XYLT1: variants seen among roughly 807,000 people sequenced by gnomAD.
XYLT1 encodes xylosyltransferase 1, also known as beta-D-xylosyltransferase 1.
In XYLT1, 36 loss-of-function variants were observed where a neutral mutation model predicts 91.3. The ratio of observed to expected loss-of-function variants is 0.39; its 90% CI spans 0.30 to 0.52. The LOEUF (loss-of-function observed/expected upper bound fraction) is 0.52, where lower values mean the gene tolerates loss of function less well. Among genes scored for constraint, XYLT1 ranks in the 20% least tolerant of loss-of-function variants. The pLI, the probability that XYLT1 is intolerant of heterozygous loss-of-function variation, is 0.68. For missense variants in XYLT1, 1,242 were observed against 1,284.5 expected, an observed-to-expected ratio of 0.97 and a Z score of 0.51; for synonymous variants, 588 against 532.0, an observed-to-expected ratio of 1.11 and a Z score of -1.45.
chr16:17,213,510 C>T lies in XYLT1; in HGVS notation c.914-12856G>A, dbSNP rs571297970. Among the ~76,000 whole-genome samples the T allele has an allele frequency of 4.6e-5, 7 of 152,270 alleles. No individual in the cohort carries two copies. In the South Asian group the frequency reaches 1.5e-3, roughly 32 times the overall value. On this transcript the variant is annotated intron_variant, in intron 3 of 11. Transcript: ENST00000261381. ...ATAAAGACTCTGAGTAGTTACCTGA[C>T]CTGGTCAGCTAATATGCTGCAGAAC...
intron 9 of XYLT1, among the ~76,000 whole-genome samples, chr16:17,129,766 C>T (rs1261585415): frequency 6.6e-6 from 1 of 152,148 alleles, no homozygotes; most frequent in Non-Finnish European, 1.5e-5. Context: ...TTAATTTACA[C>T]TGAAGTAGCC....
rs1597121006 is a variant in XYLT1 at position 17,103,308 on chromosome 16, A to T, written c.*5387T>A. On this transcript the variant is annotated 3_prime_UTR_variant, in exon 12 of 12. Transcript: ENST00000261381. ...AATTAAGCCAGCCCATTACAGCAGC[A>T]GTATGCTCTGAGAGAGTGCTTCAGG... 2 of 152,702 alleles carry T rather than the reference A, an allele frequency of 1.3e-5. No homozygotes were observed. Among genetic ancestry groups the T allele is most frequent in the East Asian group, 3.8e-4 (2 of 5,204 alleles). The allele number at this position is 152,702 out of a possible 1,614,324, so 9.5% of individuals were successfully genotyped here.
At chr16:17,259,907 A>G (rs1265345228) in intron 2 of XYLT1, among the ~76,000 whole-genome samples, 6 of 152,234 alleles carry the variant, frequency 3.9e-5, no homozygotes, top group Non-Finnish European at 8.8e-5. Context: ...TAAAGTTATA[A>G]AGGGAAAAAT....
chr16:17,181,991 G>C (rs573422815), intron 5 of XYLT1, among the ~76,000 whole-genome samples: 192 of 152,246 alleles, frequency 1.3e-3, no homozygotes, highest in African/African-American at 4.2e-3. Context: ...TGCCAGACCT[G>C]AGCCACCATG....
At chr16:17,219,805 G>C (rs1310994834) in intron 3 of XYLT1, among the ~76,000 whole-genome samples, 2 of 152,208 alleles carry the variant, frequency 1.3e-5, no homozygotes, top group Middle Eastern at 3.4e-3. Flanking sequence ...GAGGCGGGTG[G>C]ATCATTTGAG....
chr16:17,275,937 C>T lies in XYLT1; in HGVS notation c.403-16439G>A, dbSNP rs560157530. 3.7e-4 allele frequency among the ~76,000 whole-genome samples: 57 copies of T among 152,270 alleles called. No homozygotes were observed. The East Asian group carries it at 0.011, about 28-fold the overall frequency. ...CAGGGCCTCTAAAGAAATGGAAATG[C>T]TCACGGAGCCAGAGACATAAATAAG... On this transcript the variant is annotated intron_variant, in intron 2 of 11. Coordinates refer to ENST00000261381, the MANE Select transcript of XYLT1 (RefSeq NM_022166.4).
chr16:17,208,922 T>C (rs982759027), intron 3 of XYLT1, among the ~76,000 whole-genome samples: 5 of 152,296 alleles, frequency 3.3e-5, no homozygotes, highest in African/African-American at 1.2e-4. Context: ...AGATGGGGTT[T>C]TGCCATGTCG....
intron 1 of XYLT1, among the ~76,000 whole-genome samples, chr16:17,402,676 T>C (rs1221793046): frequency 6.6e-6 from 1 of 152,138 alleles, no homozygotes; most frequent in Non-Finnish European, 1.5e-5. Flanking sequence ...TTAAGCTCTC[T>C]TGATATTGAG....
At chr16:17,252,735 G>C (rs1313546021) in intron 3 of XYLT1, among the ~76,000 whole-genome samples, 1 of 152,194 alleles carries the variant, frequency 6.6e-6, no homozygotes, top group East Asian at 1.9e-4. Context: ...AGGGGACAGA[G>C]AGCGTGAGGG....
At chr16:17,150,463 C>T (rs1233916569) in intron 6 of XYLT1, among the ~76,000 whole-genome samples, 2 of 152,134 alleles carry the variant, frequency 1.3e-5, no homozygotes, top group Non-Finnish European at 2.9e-5. Context: ...CTAGGCAAGA[C>T]AAAAAGCGTA....
intron 1 of XYLT1, among the ~76,000 whole-genome samples, chr16:17,415,013 G>T (rs754031331): frequency 6.6e-6 from 1 of 152,108 alleles, no homozygotes; most frequent in African/African-American, 2.4e-5. Context: ...CACTTCCCGC[G>T]TGTCTGACAC....
At chr16:17,265,483 A>C (rs538860249) in intron 2 of XYLT1, among the ~76,000 whole-genome samples, 1 of 152,328 alleles carries the variant, frequency 6.6e-6, no homozygotes, top group Admixed American at 6.5e-5. Flanking sequence ...ATTTTAATGT[A>C]CTTATTACAA....
intron 1 of XYLT1, among the ~76,000 whole-genome samples, chr16:17,425,189 C>T (rs1319199781): frequency 1.3e-5 from 2 of 152,138 alleles, no homozygotes; most frequent in Non-Finnish European, 2.9e-5. Context: ...GCAGGGCTGG[C>T]CCACCTCAAT....
At chr16:17,138,250 G>T in intron 8 of XYLT1, 105 bp downstream of exon 8, 1 of 1,362,080 alleles carries the variant, frequency 7.3e-7, no homozygotes, top group Non-Finnish European at 1.0e-6. Flanking sequence ...AGCCAGGTTT[G>T]GGCACCATGT....
At chr16:17,120,520 C>T (rs919670141) in intron 10 of XYLT1, among the ~76,000 whole-genome samples, 1 of 152,078 alleles carries the variant, frequency 6.6e-6, no homozygotes, top group South Asian at 2.1e-4. Context: ...TACCTTTCCC[C>T]GCATCCTCCA....
At chr16:17,147,201 GC>G (rs776942571) in intron 6 of XYLT1, among the ~76,000 whole-genome samples, 6 of 152,144 alleles carry the variant, frequency 3.9e-5, no homozygotes, top group Admixed American at 2.6e-4. Context: ...ATCAAAGGAA[GC>G]CCCTGAGTTT....
rs573361431 is a variant in XYLT1, at chr16:17,144,857, G to A, written c.1371-3488C>T. 1.3e-4 allele frequency among the ~76,000 whole-genome samples: 20 copies of A among 152,318 alleles called. No individual in the cohort carries two copies. In the East Asian group the frequency reaches 1.9e-3, roughly 15 times the overall value. The stretch of plus-strand genomic sequence containing the variant: ...CCATGCAGGCTCCATGCAGACTGGA[G>A]GGGGATCAGGGGCTCTGCTGTAACA... On this transcript the variant is annotated intron_variant, in intron 6 of 11. Transcript: ENST00000261381.
rs1478200852 is a variant in XYLT1 at position 17,106,749 on chromosome 16, T to G, written c.*1946A>C. On this transcript the variant is annotated 3_prime_UTR_variant, in exon 12 of 12. Transcript: ENST00000261381. ...TGACGGGGGGTGAGTAGGGGGAGGA[T>G]GGGAGGCTCAGGAATTCCAATACTC... The G allele has an allele frequency of 6.6e-6, 1 of 151,666 alleles. No individual in the cohort carries two copies. The highest frequency in any genetic ancestry group is 1.5e-5 in the Non-Finnish European group (1 of 67,960). The allele number at this position is 151,666 out of a possible 1,614,324, so 9.4% of individuals were successfully genotyped here.
At chr16:17,174,512 C>T (rs1475983601) in intron 5 of XYLT1, among the ~76,000 whole-genome samples, 1 of 152,112 alleles carries the variant, frequency 6.6e-6, no homozygotes, top group East Asian at 1.9e-4. Context: ...TGAAAGAAGC[C>T]AGACGTGAAA....
Sources: allele counts gnomAD v4.1 joint callset (sites outside exome capture counted in the v4.1 genomes callset), GRCh38; gene constraint gnomAD v4.1.1; transcripts MANE v1.5; gene names NCBI Gene and HGNC (gene_info 2026-07-23, HGNC 2026-07-21).